Variants in PDE10A observed in about 807,000 individuals in gnomAD.
PDE10A encodes the protein cAMP and cAMP-inhibited cGMP 3',5'-cyclic phosphodiesterase 10A.
A neutral mutation model predicts 97.7 loss-of-function variants in PDE10A; 39 were observed. The observed-to-expected ratio is 0.40, with a 90% CI of 0.31 to 0.52. The LOEUF (loss-of-function observed/expected upper bound fraction) is 0.52, where lower values mean the gene tolerates loss of function less well. PDE10A is among the 20% of genes least tolerant of loss of function. The pLI is 0.56. For missense variants in PDE10A, 731 were observed against 1,047.8 expected, an observed-to-expected ratio of 0.70 and a Z score of 4.17; for synonymous variants, 371 against 376.8, an observed-to-expected ratio of 0.98 and a Z score of 0.18.
rs567905393 is a variant in PDE10A, at chr6:165,894,237, C to T, written c.-615+93292G>A. 1.5e-5 allele frequency: 7 copies of T among 454,326 alleles called. No individual in the cohort carries two copies. The Admixed American group carries it at 1.6e-4, about 11-fold the overall frequency. The allele number at this position is 454,326 out of a possible 1,614,324, so 28.1% of individuals were successfully genotyped here. The stretch of plus-strand genomic sequence containing the variant: ...CTCTGGAGGAATATCATATGTCTGT[C>T]CTGTGACATGGTGGCAGGTTTTTCA... On this transcript the variant is annotated intron_variant, in intron 1 of 19. Coordinates refer to the PDE10A transcript ENST00000366882.
At chr6:165,447,431 G>A (rs779042614) in intron 5 of PDE10A, among the ~76,000 whole-genome samples, 2 of 152,224 alleles carry the variant, frequency 1.3e-5, no homozygotes, top group African/African-American at 2.4e-5. Flanking sequence ...CTAGAGACCC[G>A]AGGATAAGGG....
At chr6:165,684,841 T>A (rs1480820196) in intron 1 of PDE10A, among the ~76,000 whole-genome samples, 1 of 152,232 alleles carries the variant, frequency 6.6e-6, no homozygotes, top group Non-Finnish European at 1.5e-5. Context: ...AAATCTCCTC[T>A]GTCATGCACG....
intron 7 of PDE10A, among the ~76,000 whole-genome samples, chr6:165,432,174 T>C (rs972150077): frequency 1.3e-5 from 2 of 152,050 alleles, no homozygotes; most frequent in East Asian, 3.8e-4. Context: ...AGAAATGAAA[T>C]AAGTGTAGCA....
intron 17 of PDE10A, among the ~76,000 whole-genome samples, chr6:165,384,609 C>CGT (rs1246259959): frequency 2.1e-5 from 3 of 141,866 alleles, no homozygotes; most frequent in Non-Finnish European, 3.0e-5. Flanking sequence ...CCATGAGTAA[C>CGT]GTGTGTGTGT....
chr6:165,397,945 T>C (rs772384148), intron 13 of PDE10A, among the ~76,000 whole-genome samples: 8 of 152,158 alleles, frequency 5.3e-5, no homozygotes, highest in Non-Finnish European at 8.8e-5. Flanking sequence ...ATTATTTACA[T>C]ACATAGAAAT....
chr6:165,523,193 C>G (rs531237315), intron 2 of PDE10A, among the ~76,000 whole-genome samples: 1 of 152,112 alleles, frequency 6.6e-6, no homozygotes, highest in Non-Finnish European at 1.5e-5. Context: ...GGCCTTATCA[C>G]CCAAAGTAAT....
intron 13 of PDE10A, among the ~76,000 whole-genome samples, chr6:165,411,106 A>G (rs1179555773): frequency 4.7e-5 from 7 of 148,956 alleles, no homozygotes; most frequent in Admixed American, 2.0e-4. Flanking sequence ...AAAAAAAAAA[A>G]AAAGAAATAT....
At chr6:165,931,375 T>C (rs1783128820) in intron 1 of PDE10A, among the ~76,000 whole-genome samples, 2 of 152,198 alleles carry the variant, frequency 1.3e-5, no homozygotes, top group Admixed American at 1.3e-4. Flanking sequence ...CACGTATTTA[T>C]TGAAAGACGA....
At chr6:165,864,345 A>T (rs929846403) in intron 1 of PDE10A, among the ~76,000 whole-genome samples, 2 of 152,244 alleles carry the variant, frequency 1.3e-5, no homozygotes, top group Non-Finnish European at 2.9e-5. Flanking sequence ...ACAAGGTTCT[A>T]AAGGAACCCT....
chr6:165,661,875 C>T lies in PDE10A; in HGVS notation c.865+72G>A. The T allele has an allele frequency of 1.4e-6, 1 of 718,720 alleles. No homozygotes were observed. Among genetic ancestry groups the T allele is most frequent in the Non-Finnish European group, 2.5e-6 (1 of 407,582 alleles). 44.5% of individuals were successfully genotyped at this position (718,720 alleles called of 1,614,324 possible). A position where few individuals can be genotyped will look rare whatever the true frequency, so the allele number is the denominator to read the frequency against. On this transcript the variant is annotated intron_variant, in intron 1 of 21. Coordinates refer to ENST00000539869, the MANE Select transcript of PDE10A (RefSeq NM_001385079.1). The surrounding 1 kb of genome is among the most constrained non-coding windows in gnomAD (Gnocchi z 4.8). The stretch of plus-strand genomic sequence containing the variant: ...CGACACCCGCTTCCCACCCAGCAGT[C>T]CAAGCCCCCCACCTGCCCCCAGGGG...
At chr6:165,622,341 G>C (rs1025312688) in intron 1 of PDE10A, among the ~76,000 whole-genome samples, 5 of 152,100 alleles carry the variant, frequency 3.3e-5, no homozygotes, top group African/African-American at 1.2e-4. Context: ...TGAGAAACGT[G>C]TTGCTAGTTG....
intron 1 of PDE10A, among the ~76,000 whole-genome samples, chr6:165,962,004 A>T (rs1044363744): frequency 6.6e-6 from 1 of 152,206 alleles, no homozygotes; most frequent in Non-Finnish European, 1.5e-5. Context: ...AAATCCTTAC[A>T]GCTCTAAGGT....
At chr6:165,830,095 G>A (rs181244225) in intron 1 of PDE10A, among the ~76,000 whole-genome samples, 14 of 152,308 alleles carry the variant, frequency 9.2e-5, no homozygotes, top group Admixed American at 7.8e-4. Context: ...TGAAGATTCA[G>A]TATCTTGCAA....
chr6:165,895,182 C>A (rs542993906), intron 1 of PDE10A, among the ~76,000 whole-genome samples: 1 of 126,510 alleles, frequency 7.9e-6, no homozygotes, highest in East Asian at 2.9e-4. Flanking sequence ...CTTGAGAATG[C>A]AAGTTTATTT....
At chr6:165,829,446 T>C (rs868709669) in intron 1 of PDE10A, among the ~76,000 whole-genome samples, 6 of 152,228 alleles carry the variant, frequency 3.9e-5, no homozygotes, top group Admixed American at 1.3e-4. Flanking sequence ...TCAACCTTAA[T>C]TGGTTCCAGC....
intron 1 of PDE10A, among the ~76,000 whole-genome samples, chr6:165,849,832 T>A (rs1780527690): frequency 6.9e-6 from 1 of 145,270 alleles, no homozygotes; most frequent in South Asian, 2.2e-4. Flanking sequence ...GAAAAAAAAA[T>A]TGGCTGGTTC....
At chr6:165,968,738 G>A (rs1480818911) in intron 1 of PDE10A, among the ~76,000 whole-genome samples, 3 of 152,126 alleles carry the variant, frequency 2.0e-5, no homozygotes, top group South Asian at 2.1e-4. Context: ...TTATATCTAT[G>A]AGCAAAAAAG....
intron 10 of PDE10A, among the ~76,000 whole-genome samples, chr6:165,421,019 C>T (rs1163780255): frequency 6.6e-6 from 1 of 152,116 alleles, no homozygotes; most frequent in Non-Finnish European, 1.5e-5. Flanking sequence ...AATAATTAAA[C>T]AAATATGACA....
At chr6:165,597,439 T>G (rs1448165538) in intron 1 of PDE10A, among the ~76,000 whole-genome samples, 1 of 152,190 alleles carries the variant, frequency 6.6e-6, no homozygotes, top group Non-Finnish European at 1.5e-5. Context: ...CAATGAGTCT[T>G]TGGCTGTATT....
Sources: allele counts gnomAD v4.1 joint callset (sites outside exome capture counted in the v4.1 genomes callset), GRCh38; gene constraint gnomAD v4.1.1; non-coding constraint Gnocchi (gnomAD v3.1); transcripts MANE v1.5; gene names NCBI Gene and HGNC (gene_info 2026-07-23, HGNC 2026-07-21).